The following CEP128 variants were observed in gnomAD, a reference collection of about 807,000 sequenced individuals.
CEP128 encodes centrosomal protein 128, also known as centrosomal protein 128kDa.
CEP128 carries 132 observed loss-of-function variants against 156.7 expected under a neutral mutation model. The observed-to-expected ratio is 0.84, with a 90% confidence interval of 0.73 to 0.97. The LOEUF is 0.97. CEP128 is among the 50% of genes least tolerant of loss of function. The pLI is 0.00. For synonymous variants in CEP128, 469 were observed against 448.9 expected (o/e 1.04, Z -0.57); for missense variants, 1,252 against 1,281.9 (o/e 0.98, Z 0.36).
At chr14:80,530,911 C>CAAACATTATAA (rs748564457) in intron 21 of CEP128, 25 bp from the exon 22 acceptor site, 1 of 1,492,964 alleles carries the variant, frequency 6.7e-7, no homozygotes. Flanking sequence ...ATAAGGAAAC[C>CAAACATTATAA]AAACATTATA....
chr14:80,756,919 G>T lies in CEP128; in HGVS notation c.2586C>A (p.Asp862Glu). ...VFSSGPDIHY[D>E]PHRWLAESKT... ...TGCTTTCTGCTAACCAGCGATGTGG[G>T]TCATAATGTATATCAGGACCAGATG... is the stretch of plus-strand genomic sequence containing the variant. Residue 862 changes from aspartate (D) to glutamate (E), a missense_variant, in exon 18 of 25, where the codon GAC becomes GAA. Transcript: ENST00000555265. 1 of 1,600,984 alleles carries T rather than the reference G, an allele frequency of 6.2e-7. No individual in the cohort carries two copies. Among genetic ancestry groups the T allele is most frequent in the Non-Finnish European group, 8.5e-7 (1 of 1,170,006 alleles).
chr14:80,627,146 A>G (rs957686593), intron 19 of CEP128, among the ~76,000 whole-genome samples: 2 of 152,234 alleles, frequency 1.3e-5, no homozygotes, highest in African/African-American at 4.8e-5. Context: ...ACAAGAAGCA[A>G]TATCTCAGAG....
intron 19 of CEP128, among the ~76,000 whole-genome samples, chr14:80,651,019 T>C (rs1469741821): frequency 6.6e-6 from 1 of 152,172 alleles, no homozygotes; most frequent in African/African-American, 2.4e-5. Flanking sequence ...GTACCTCTGG[T>C]AGAATTCGGC....
At chr14:80,946,949 T>C (rs7145224) in intron 2 of CEP128, among the ~76,000 whole-genome samples, 78,745 of 151,982 alleles carry the variant, frequency 0.52, 22,444 homozygotes, top group African/African-American at 0.76. Flanking sequence ...AGAACTGTTG[T>C]TTAAAAGTGT....
chr14:80,502,788 T>C (rs892023971), intron 24 of CEP128, among the ~76,000 whole-genome samples: 2 of 152,088 alleles, frequency 1.3e-5, no homozygotes, highest in Admixed American at 1.3e-4. Flanking sequence ...TCTCATCTCT[T>C]CTTTTTAATT....
chr14:80,844,199 AAAC>A (rs1243731731), intron 9 of CEP128, among the ~76,000 whole-genome samples: 22 of 152,078 alleles, frequency 1.4e-4, no homozygotes, highest in African/African-American at 4.3e-4. Flanking sequence ...AGGCAAAAAA[AAAC>A]AAAACAACGC....
At chr14:80,913,503 T>C (rs1209457031) in intron 4 of CEP128, among the ~76,000 whole-genome samples, 2 of 152,212 alleles carry the variant, frequency 1.3e-5, no homozygotes, top group East Asian at 1.9e-4. Flanking sequence ...GTTACCTCTT[T>C]TGAGTGGGGC....
At chr14:80,837,700 G>T (rs1308909312) in intron 11 of CEP128, among the ~76,000 whole-genome samples, 3 of 152,198 alleles carry the variant, frequency 2.0e-5, no homozygotes, top group Non-Finnish European at 4.4e-5. Context: ...TGGCAACAGA[G>T]CGAGACTGCG....
intron 2 of CEP128, among the ~76,000 whole-genome samples, chr14:80,932,294 A>C (rs2371459): frequency 1 from 152,297 of 152,356 alleles, 76,121 homozygotes; most frequent in Non-Finnish European, 1. Flanking sequence ...TCTCAACCAT[A>C]AAAGATCCCC....
At chr14:80,742,880 G>C in intron 19 of CEP128, 195 bp downstream of exon 19, 1 of 573,972 alleles carries the variant, frequency 1.7e-6, no homozygotes, top group Non-Finnish European at 3.1e-6. Context: ...CATATACACA[G>C]GAGGAATGCT....
intron 20 of CEP128, among the ~76,000 whole-genome samples, chr14:80,574,849 C>G (rs186254502): frequency 3.0e-4 from 46 of 152,110 alleles, no homozygotes; most frequent in African/African-American, 9.9e-4. Context: ...AATCTAACAC[C>G]TGTCCCTCCA....
At chr14:80,835,155 T>G (rs74064587) in intron 12 of CEP128, among the ~76,000 whole-genome samples, 10,911 of 152,150 alleles carry the variant, frequency 0.072, 1,302 homozygotes, top group African/African-American at 0.25. Flanking sequence ...CACTCCCCAT[T>G]TGACCTCTTT....
intron 23 of CEP128, among the ~76,000 whole-genome samples, chr14:80,517,296 T>G (rs554646848): frequency 6.6e-6 from 1 of 152,298 alleles, no homozygotes; most frequent in Non-Finnish European, 1.5e-5. Flanking sequence ...TCTTCTAGAT[T>G]TCTACAATGG....
At chr14:80,529,392 T>A (rs1368691347) in intron 22 of CEP128, among the ~76,000 whole-genome samples, 1 of 152,230 alleles carries the variant, frequency 6.6e-6, no homozygotes, top group Non-Finnish European at 1.5e-5. Context: ...TTGTAGATGA[T>A]CACTAGCTCA....
At chr14:80,625,655 C>T (rs537579831) in intron 19 of CEP128, among the ~76,000 whole-genome samples, 12 of 151,924 alleles carry the variant, frequency 7.9e-5, no homozygotes, top group Non-Finnish European at 1.6e-4. Context: ...GTTTTGTTAT[C>T]GAGATCTTTC....
chr14:80,566,774 T>C (rs1006246469), intron 20 of CEP128, among the ~76,000 whole-genome samples: 10 of 152,158 alleles, frequency 6.6e-5, no homozygotes, highest in African/African-American at 2.4e-4. Flanking sequence ...CAATTTCTGT[T>C]CATTCATTTC....
At chr14:80,786,340 C>T (rs186819821) in intron 14 of CEP128, among the ~76,000 whole-genome samples, 1 of 152,092 alleles carries the variant, frequency 6.6e-6, no homozygotes, top group African/African-American at 2.4e-5. Context: ...AGATAATCTC[C>T]GTGAAACAGG....
chr14:80,949,324 T>C (rs943734340), intron 2 of CEP128, among the ~76,000 whole-genome samples: 6 of 152,090 alleles, frequency 3.9e-5, no homozygotes, highest in East Asian at 1.9e-4. Context: ...TTTGGAAAGA[T>C]GCAGGTAGGT....
chr14:80,902,233 A>G (rs993386507), intron 6 of CEP128, among the ~76,000 whole-genome samples: 1 of 152,230 alleles, frequency 6.6e-6, no homozygotes, highest in Non-Finnish European at 1.5e-5. Flanking sequence ...TTATTAAAAG[A>G]CAAGGTTTCT....
Sources: gnomAD v4.1 joint callset for allele counts (sites outside exome capture counted in the v4.1 genomes callset) on GRCh38, gnomAD v4.1.1 for gene constraint, MANE v1.5 for transcripts, NCBI Gene and HGNC (gene_info 2026-07-23, HGNC 2026-07-21) for gene names.